DTX1: variants seen among roughly 807,000 people sequenced by gnomAD.
DTX1 encodes the protein deltex E3 ubiquitin ligase 1, also known as E3 ubiquitin-protein ligase DTX1.
DTX1 carries 26 observed loss-of-function variants against 57.8 expected under a neutral mutation model. The observed-to-expected ratio is 0.45, with a 90% CI of 0.33 to 0.62. The LOEUF (loss-of-function observed/expected upper bound fraction) is 0.62. Ranked by LOEUF, DTX1 falls within the 20% of genes least tolerant of loss-of-function variation. DTX1 has a pLI of 0.02. For missense variants in DTX1, 704 were observed against 895.3 expected (o/e 0.79, Z 2.73); for synonymous variants, 398 against 394.1 (o/e 1.01, Z -0.12).
intron 6 of DTX1, 108 bp from the exon 7 acceptor site, chr12:113,094,681 C>G: frequency 7.1e-7 from 1 of 1,410,962 alleles, no homozygotes; most frequent in Non-Finnish European, 9.6e-7. Flanking sequence ...CAAATGGGTA[C>G]CAGAGAGAGT....
intron 3 of DTX1, among the ~76,000 whole-genome samples, chr12:113,088,145 T>C (rs965721080): frequency 6.6e-6 from 1 of 152,222 alleles, no homozygotes; most frequent in African/African-American, 2.4e-5. Flanking sequence ...CAGTGCCAGC[T>C]GCACCACCAA....
intron 6 of DTX1, 32 bp downstream of exon 6, chr12:113,094,131 C>T: frequency 7.0e-7 from 1 of 1,423,578 alleles, no homozygotes; most frequent in Non-Finnish European, 9.7e-7. Flanking sequence ...TGGGGGAGGG[C>T]CCTGGCATGG....
Position 113,088,816 on chromosome 12 carries a change from C to T in DTX1, c.942-4346C>T, listed in dbSNP as rs768541695. ...GTCCAGACCAGCCTGGGCAACACAG[C>T]GAGGCCCTGTCTCCTCAAAAGTTTT... On this transcript the variant is annotated intron_variant, in intron 3 of 9. Transcript: ENST00000548759. 1.5e-4 allele frequency among the ~76,000 whole-genome samples: 23 copies of T among 149,710 alleles called. No homozygotes were observed. The Middle Eastern group carries it at 0.01, about 67-fold the overall frequency.
chr12:113,071,717 G>A (rs1269857341), intron 2 of DTX1, among the ~76,000 whole-genome samples: 1 of 152,232 alleles, frequency 6.6e-6, no homozygotes, highest in Non-Finnish European at 1.5e-5. Flanking sequence ...GGTCACCAAG[G>A]AACCAGCTGC....
chr12:113,065,354 C>CGGGTCTG (rs2044696888), intron 2 of DTX1, among the ~76,000 whole-genome samples: 2 of 152,186 alleles, frequency 1.3e-5, no homozygotes, highest in African/African-American at 4.8e-5. Context: ...AGATCAGATC[C>CGGGTCTG]AGGTCTGCAG....
At chr12:113,085,599 C>A (rs1382198440) in intron 3 of DTX1, among the ~76,000 whole-genome samples, 1 of 152,222 alleles carries the variant, frequency 6.6e-6, no homozygotes, top group Non-Finnish European at 1.5e-5. Flanking sequence ...TGCAAGTGTT[C>A]TTCCTGCATT....
chr12:113,093,597 C>G lies in DTX1; in HGVS notation c.1062C>G (p.Pro354=), dbSNP rs1805575145. The G allele has an allele frequency of 1.9e-6, 3 of 1,612,260 alleles. No individual in the cohort carries two copies. In the East Asian group the frequency reaches 6.7e-5, roughly 36 times the overall value. Residue 354 remains proline, a synonymous_variant, in exon 5 of 10, where the codon CCC becomes CCG. Coordinates refer to ENST00000548759, the MANE Select transcript of DTX1 (RefSeq NM_004416.3). The surrounding 1 kb of genome is among the most constrained non-coding windows in gnomAD (Gnocchi z 4.2). The stretch of plus-strand genomic sequence containing the variant: ...TGCCCGTGTGCCTGACGCGGGCCCC[C>G]AAGCCCATCCTGCACCCGCCGCCCG... ...AGLPVCLTRA[P]KPILHPPPVS... is the part of the protein sequence containing the mutation.
Position 113,093,437 on chromosome 12 carries a change from A to ACCC in DTX1, c.1004-101_1004-99dup. 7.1e-5 allele frequency: 39 copies of ACCC among 552,118 alleles called. No individual in the cohort carries two copies. The highest frequency in any genetic ancestry group is 1.2e-4 in the East Asian group (3 of 25,558). The allele number at this position is 552,118 out of a possible 1,614,324, so 34.2% of individuals were successfully genotyped here. Reference sequence around the variant, plus strand: ...TGAGTGGGTGGGGCCCAAGAGCGCAACCCTCCCACCCACCCGAGGGCCCCG... The same window carrying ACCC: ...TGAGTGGGTGGGGCCCAAGAGCGCAACCCCCCTCCCACCCACCCGAGGGCCCCG... On this transcript the variant is annotated intron_variant, in intron 4 of 9. Transcript: ENST00000548759. This position sits in a 1 kb window ranked among gnomAD's most constrained non-coding sequence, Gnocchi z 4.2.
intron 2 of DTX1, among the ~76,000 whole-genome samples, chr12:113,074,972 G>A (rs1212016534): frequency 6.6e-6 from 1 of 152,198 alleles, no homozygotes; most frequent in South Asian, 2.1e-4. Flanking sequence ...GCAGAGCTGA[G>A]TTCAAGGTGC....
rs1474676562 is a variant in DTX1 at position 113,078,047 on chromosome 12, A to G, written c.883A>G (p.Asn295Asp). 2 of 1,354,082 alleles carry G rather than the reference A, an allele frequency of 1.5e-6. No individual in the cohort carries two copies. Among genetic ancestry groups the G allele is most frequent in the Non-Finnish European group, 1.9e-6 (2 of 1,051,432 alleles). The allele number at this position is 1,354,082 out of a possible 1,614,324, so 83.9% of individuals were successfully genotyped here. ...GARTPGQNNL[N>D]RPGPQRTTSV... is the part of the protein sequence containing the mutation. ...GCGCACCCCGGGGCAGAACAACCTC[A>G]ACCGGCCCGGGCCCCAGCGCACCAC... The change falls in exon 3 of 10, where the codon AAC becomes GAC. Residue 295 changes from asparagine to aspartate, a missense_variant. Physicochemically the swap from Asn to Asp is conservative, Grantham distance 23. Transcript: ENST00000548759.
At position 113,058,256 on chromosome 12, in the gene DTX1, G is replaced by T. The variant is rs752771858; in HGVS notation, c.64G>T (p.Val22Leu). The change falls in exon 2 of 10, where the codon GTG becomes TTG. Residue 22 changes from valine to leucine, a missense_variant. Val to Leu is a conservative substitution (Grantham distance 32, BLOSUM62 1). Around this residue, in one of 3 missense-constraint regions of DTX1, gnomAD observed 237 missense variants for 328.6 expected, o/e 0.72. Transcript: ENST00000548759. ...TGGTCTGGGCTTCCCACCGCAGAACGTGGCCCGGGTGGTGGTGTGGGAGTG... is the reference window on the plus strand; with the variant it reads ...TGGTCTGGGCTTCCCACCGCAGAACTTGGCCCGGGTGGTGGTGTGGGAGTG... Reference protein sequence around the residue: ...VNGLGFPPQNVARVVVWEWLN... With the variant: ...VNGLGFPPQNLARVVVWEWLN... 2 of 1,613,530 alleles carry T rather than the reference G, an allele frequency of 1.2e-6. No homozygotes were observed. Among genetic ancestry groups the T allele is most frequent in the Non-Finnish European group, 1.7e-6 (2 of 1,179,994 alleles).
intron 2 of DTX1, among the ~76,000 whole-genome samples, chr12:113,071,625 A>G (rs2044738640): frequency 6.6e-6 from 1 of 152,242 alleles, no homozygotes; most frequent in Admixed American, 6.5e-5. Context: ...TCTGGCTGAA[A>G]ATCTAGGCCA....
At chr12:113,074,667 G>A (rs188094492) in intron 2 of DTX1, among the ~76,000 whole-genome samples, 4 of 152,204 alleles carry the variant, frequency 2.6e-5, no homozygotes, top group South Asian at 2.1e-4. Context: ...CTCTGGCTGC[G>A]GTATGGGAAA....
intron 6 of DTX1, 43 bp downstream of exon 6, chr12:113,094,142 A>G (rs1436910826): frequency 3.4e-6 from 5 of 1,458,564 alleles, no homozygotes; most frequent in South Asian, 2.5e-5. Flanking sequence ...CCTGGCATGG[A>G]GGGGGCAGGA....
Position 113,077,500 on chromosome 12 carries a change from G to C in DTX1, c.336G>C (p.Glu112Asp), listed in dbSNP as rs2044781006. The C allele has an allele frequency of 6.2e-7, 1 of 1,612,536 alleles. No individual in the cohort carries two copies. ...GCAAGGGCATCGTGTGGGAGTGGGA[G>C]AACGACGGCGGCGCATGGACGGCCT... The part of the protein sequence containing the change: ...APGKGIVWEW[E>D]NDGGAWTAYD... Residue 112 changes from glutamate to aspartate, a missense_variant, in exon 3 of 10, where the codon GAG (glutamate) becomes GAC (aspartate). Physicochemically the swap from Glu to Asp is conservative, Grantham distance 45. Transcript: ENST00000548759. This position sits in a 1 kb window ranked among gnomAD's most constrained non-coding sequence, Gnocchi z 7.8.
intron 2 of DTX1, among the ~76,000 whole-genome samples, chr12:113,068,366 C>T (rs751167862): frequency 1.3e-5 from 2 of 152,182 alleles, no homozygotes; most frequent in African/African-American, 2.4e-5. Context: ...GCATTGCAGG[C>T]GCAAGGTGCT....
rs956608536 is a variant in DTX1, at chr12:113,095,341, A to G, written c.1565A>G (p.Asn522Ser). Residue 522 changes from asparagine to serine, a missense_variant, in exon 9 of 10, where the codon AAC becomes AGC. Coordinates refer to ENST00000548759, the MANE Select transcript of DTX1 (RefSeq NM_004416.3). The stretch of plus-strand genomic sequence containing the variant: ...TCTCTGCAGGGCCCTGAGCACCCCA[A>G]CCCCGGGAAGAAGTTCACCGCAAGA... Reference protein sequence around the residue: ...PTGIQGPEHPNPGKKFTARGF... With the variant: ...PTGIQGPEHPSPGKKFTARGF... The G allele has an allele frequency of 6.2e-7, 1 of 1,613,900 alleles. No homozygotes were observed. The highest frequency in any genetic ancestry group is 1.3e-5 in the African/African-American group (1 of 74,844).
At chr12:113,066,835 C>T (rs1309124775) in intron 2 of DTX1, among the ~76,000 whole-genome samples, 6 of 152,172 alleles carry the variant, frequency 3.9e-5, no homozygotes, top group South Asian at 4.1e-4. Context: ...GGAGGCCAGG[C>T]GCCAAGGAAG....
chr12:113,067,124 A>G (rs1173331736), intron 2 of DTX1, among the ~76,000 whole-genome samples: 1 of 151,888 alleles, frequency 6.6e-6, no homozygotes. Flanking sequence ...GGACGAGGCA[A>G]TCAAAGGAGG....
Sources: gnomAD v4.1 joint callset for allele counts (sites outside exome capture counted in the v4.1 genomes callset) on GRCh38, gnomAD v4.1.1 for gene constraint, gnomAD v4.1.1 regional missense constraint, Gnocchi (gnomAD v3.1) non-coding constraint, MANE v1.5 for transcripts, NCBI Gene and HGNC (gene_info 2026-07-23, HGNC 2026-07-21) for gene names.